Variants in EZR observed in about 807,000 individuals in gnomAD.
EZR encodes cytovillin 2.
Under a neutral mutation model 74.8 loss-of-function variants are expected in EZR, and 40 were observed. That is an observed-to-expected ratio of 0.53 (90% CI 0.42 to 0.70). The LOEUF is 0.70. Among genes scored for constraint, EZR ranks in the 30% least tolerant of loss-of-function variants. EZR has a pLI of 0.00. For synonymous variants in EZR, 341 were observed against 283.3 expected, an observed-to-expected ratio of 1.20 and a Z score of -2.05; for missense variants, 678 against 755.8, an observed-to-expected ratio of 0.90 and a Z score of 1.21.
intron 2 of EZR, among the ~76,000 whole-genome samples, chr6:158,790,694 A>C (rs1336374738): frequency 4.6e-5 from 7 of 151,790 alleles, no homozygotes; most frequent in Non-Finnish European, 1.0e-4. Flanking sequence ...AACAAAAAAA[A>C]CCCACCACCA....
At chr6:158,799,312 G>A (rs1217158974) in intron 2 of EZR, among the ~76,000 whole-genome samples, 2 of 152,176 alleles carry the variant, frequency 1.3e-5, no homozygotes, top group Non-Finnish European at 2.9e-5. Flanking sequence ...CATGTTTACC[G>A]GCTCACAGCT....
intron 2 of EZR, among the ~76,000 whole-genome samples, chr6:158,804,115 T>C (rs912024010): frequency 6.6e-6 from 1 of 152,114 alleles, no homozygotes; most frequent in Non-Finnish European, 1.5e-5. Flanking sequence ...TGATGGCGTA[T>C]GAAAATAATG....
intron 8 of EZR, among the ~76,000 whole-genome samples, chr6:158,773,814 C>A (rs989178457): frequency 6.6e-6 from 1 of 152,258 alleles, no homozygotes; most frequent in Non-Finnish European, 1.5e-5. Context: ...TGCCTCAGAG[C>A]CTTCTGCCTT....
At chr6:158,806,066 T>G (rs544527688) in intron 2 of EZR, among the ~76,000 whole-genome samples, 1 of 152,336 alleles carries the variant, frequency 6.6e-6, no homozygotes, top group South Asian at 2.1e-4. Flanking sequence ...TACAAAGTAA[T>G]AGTGGAAAAA....
chr6:158,803,608 TATATATATATATATATAC>T (rs1562504635), intron 2 of EZR, among the ~76,000 whole-genome samples: 4 of 15,796 alleles, frequency 2.5e-4, no homozygotes, highest in African/African-American at 9.5e-4. Context: ...TATATATACA[TATATATATATATATATAC>T]ATATACATAC....
chr6:158,770,065 T>TC, intron 10 of EZR, 121 bp from the exon 11 acceptor site: 1 of 1,310,220 alleles, frequency 7.6e-7, no homozygotes. Flanking sequence ...TGAGGGGATG[T>TC]CTTCCAGTGA....
rs574038917 is a variant in EZR, at chr6:158,768,930, G to A, written c.1344+396C>T. Among the ~76,000 whole-genome samples, 16 of 152,286 alleles carry A rather than the reference G, an allele frequency of 1.1e-4. No homozygotes were observed. The East Asian group carries it at 2.9e-3, about 28-fold the overall frequency. On this transcript the variant is annotated intron_variant, in intron 12 of 13. Coordinates refer to ENST00000367075, the MANE Select transcript of EZR (RefSeq NM_001111077.2). ...GTGCCCGCTGTATATACTAGCTGCA[G>A]GAGGTCGTGTTTCAGGCACTGCGAC... is the stretch of plus-strand genomic sequence containing the variant.
In EZR at chr6:158,805,833, A is replaced by T. The variant is rs2128575556; in HGVS notation, c.12+12249T>A. 1.3e-5 allele frequency among the ~76,000 whole-genome samples: 2 copies of T among 152,094 alleles called. 1 individual carries two copies. Among genetic ancestry groups the T allele is most frequent in the Admixed American group, 1.3e-4 (2 of 15,280 alleles). On this transcript the variant is annotated intron_variant, in intron 2 of 13. Coordinates refer to ENST00000367075, the MANE Select transcript of EZR (RefSeq NM_001111077.2). ...TTTTACAACCCTATCACTCACCCCA[A>T]CCCCAACCCATGGTTTGCTGTATTT...
Position 158,765,823 on chromosome 6 carries a change from AAGC to A in EZR, c.*1088_*1090del, listed in dbSNP as rs1232414054. On this transcript the variant is annotated 3_prime_UTR_variant, in exon 14 of 14. Coordinates refer to ENST00000367075, the MANE Select transcript of EZR (RefSeq NM_001111077.2). Reference sequence around the variant, plus strand: ...CATGGCATCTTAGCTGTGAAGGAGAAAGCAGTGCACGAGAAGGAATGAGTGGGC... The same window carrying A: ...CATGGCATCTTAGCTGTGAAGGAGAAAGTGCACGAGAAGGAATGAGTGGGC... 1.3e-5 allele frequency: 2 copies of A among 152,258 alleles called. No homozygotes were observed. The highest frequency in any genetic ancestry group is 1.3e-4 in the Admixed American group (2 of 15,292). The allele number at this position is 152,258 out of a possible 1,614,324, so 9.4% of individuals were successfully genotyped here. A position where few individuals can be genotyped will look rare whatever the true frequency, so the allele number is the denominator to read the frequency against.
At chr6:158,813,432 T>A (rs1163947583) in intron 2 of EZR, among the ~76,000 whole-genome samples, 1 of 152,188 alleles carries the variant, frequency 6.6e-6, no homozygotes, top group South Asian at 2.1e-4. Context: ...TCTGTGAACA[T>A]CCAAATACAT....
chr6:158,797,903 G>A (rs964293978), intron 2 of EZR, among the ~76,000 whole-genome samples: 1 of 152,156 alleles, frequency 6.6e-6, no homozygotes, highest in African/African-American at 2.4e-5. Flanking sequence ...TCAGAGTTAT[G>A]CAACTGACAC....
At chr6:158,803,545 GTATATATATATATA>G (rs1428301652) in intron 2 of EZR, among the ~76,000 whole-genome samples, 2 of 11,202 alleles carry the variant, frequency 1.8e-4, no homozygotes, top group Admixed American at 1.0e-3. Flanking sequence ...ATATATATAT[GTATATATATATATA>G]TATATATATA....
chr6:158,802,057 CA>C (rs1389171746), intron 2 of EZR, among the ~76,000 whole-genome samples: 1 of 152,178 alleles, frequency 6.6e-6, no homozygotes, highest in African/African-American at 2.4e-5. Context: ...GTCTGTCTAC[CA>C]AAAAACGTAA....
intron 7 of EZR, among the ~76,000 whole-genome samples, chr6:158,780,080 G>A (rs751871158): frequency 2.0e-5 from 3 of 151,822 alleles, no homozygotes; most frequent in Non-Finnish European, 4.4e-5. Context: ...CTACTCGGGA[G>A]GCTGAGGCAG....
At chr6:158,784,537 A>G in intron 6 of EZR, 107 bp downstream of exon 6, 1 of 991,470 alleles carries the variant, frequency 1.0e-6, no homozygotes, top group East Asian at 2.5e-5. Context: ...CAAGGTCTTC[A>G]CAAGGCCTGA....
chr6:158,774,994 CCA>C (rs1325369480), intron 8 of EZR, among the ~76,000 whole-genome samples: 10 of 151,392 alleles, frequency 6.6e-5, no homozygotes, highest in South Asian at 2.1e-4. Flanking sequence ...GTGCAACTAC[CCA>C]CAGAGTAGCA....
At chr6:158,814,365 TC>T (rs1173278329) in intron 2 of EZR, among the ~76,000 whole-genome samples, 2 of 109,218 alleles carry the variant, frequency 1.8e-5, no homozygotes, top group Non-Finnish European at 3.8e-5. Context: ...GATTTTCCTT[TC>T]CCCATCAGAT....
intron 4 of EZR, among the ~76,000 whole-genome samples, chr6:158,786,512 CCA>C (rs1791586032): frequency 6.6e-6 from 1 of 152,224 alleles, no homozygotes; most frequent in Admixed American, 6.5e-5. Context: ...GGAAATGACC[CCA>C]GTGACCTGGA....
intron 2 of EZR, among the ~76,000 whole-genome samples, chr6:158,795,594 C>T (rs924451517): frequency 1.3e-5 from 2 of 152,190 alleles, no homozygotes; most frequent in African/African-American, 4.8e-5. Context: ...TACCAATTAA[C>T]TACTGCAAGG....
Sources: gnomAD v4.1 joint callset for allele counts (sites outside exome capture counted in the v4.1 genomes callset) on GRCh38, gnomAD v4.1.1 for gene constraint, MANE v1.5 for transcripts, NCBI Gene and HGNC (gene_info 2026-07-23, HGNC 2026-07-21) for gene names.